MTIF2: variants seen among roughly 807,000 people sequenced by gnomAD.
MTIF2 encodes the protein mitochondrial translational initiation factor 2.
In MTIF2, 71 loss-of-function variants were observed where a neutral mutation model predicts 83.5. That is an observed-to-expected ratio of 0.85 (90% CI 0.70 to 1.04). The LOEUF (loss-of-function observed/expected upper bound fraction) is 1.04. Ranked by LOEUF, MTIF2 falls within the 50% of genes least tolerant of loss-of-function variation. MTIF2 has a pLI of 0.00. For missense variants in MTIF2, 957 were observed against 846.5 expected (o/e 1.13, Z -1.62); for synonymous variants, 319 against 287.1 (o/e 1.11, Z -1.12).
chr2:55,250,313 A>C (rs1298338739), intron 8 of MTIF2, among the ~76,000 whole-genome samples: 1 of 152,046 alleles, frequency 6.6e-6, no homozygotes, highest in South Asian at 2.1e-4. Context: ...GTGGACCCAC[A>C]CAGTTCAAAC....
At chr2:55,239,911 C>A in intron 14 of MTIF2, 100 bp downstream of exon 14, 2 of 1,067,706 alleles carry the variant, frequency 1.9e-6, no homozygotes, top group Non-Finnish European at 2.6e-6. Flanking sequence ...CAGGATATAT[C>A]TTTCAACATT....
chr2:55,249,394 C>T lies in MTIF2; in HGVS notation c.981+1G>A. Reference sequence around the variant, plus strand: ...TATTTATATGAGGTCCCCGCATTTACCGTAAGTGCGGAGACAGGCACTGCT... The same window carrying T: ...TATTTATATGAGGTCCCCGCATTTATCGTAAGTGCGGAGACAGGCACTGCT... On this transcript the variant is annotated splice_donor_variant, in intron 9 of 15. Transcript: ENST00000263629. LOFTEE classifies it high-confidence loss of function. 1 of 1,613,908 alleles carries T rather than the reference C, an allele frequency of 6.2e-7. No homozygotes were observed. The highest frequency in any genetic ancestry group is 8.5e-7 in the Non-Finnish European group (1 of 1,179,930).
upstream of MTIF2, chr2:55,269,244 A>G (rs114909071): frequency 2.0e-3 from 305 of 152,454 alleles, 1 homozygote; most frequent in Non-Finnish European, 3.4e-3. Flanking sequence ...TCGGTAGGTC[A>G]GTCCGTCCCC....
At chr2:55,254,474 T>C (rs1677359201) in intron 6 of MTIF2, among the ~76,000 whole-genome samples, 180 bp downstream of exon 6, 1 of 152,246 alleles carries the variant, frequency 6.6e-6, no homozygotes, top group African/African-American at 2.4e-5. Flanking sequence ...TAAAAAATCC[T>C]TAAAGTTTTA....
intron 2 of MTIF2, chr2:55,267,888 C>T (rs1678552062): frequency 6.6e-6 from 1 of 152,112 alleles, no homozygotes; most frequent in African/African-American, 2.4e-5. Context: ...AGCATTTTAC[C>T]TTAAAAGGCT....
At chr2:55,257,206 G>A (rs1331057076) in intron 5 of MTIF2, among the ~76,000 whole-genome samples, 1 of 152,064 alleles carries the variant, frequency 6.6e-6, no homozygotes, top group Non-Finnish European at 1.5e-5. Context: ...GCAGCCGGGT[G>A]CGGTGGCTCA....
intron 14 of MTIF2, 93 bp downstream of exon 14, chr2:55,239,918 C>T (rs1308867688): frequency 4.4e-6 from 5 of 1,126,476 alleles, no homozygotes; most frequent in Non-Finnish European, 6.2e-6. Context: ...TATCTTTCAA[C>T]ATTGAAAACG....
At chr2:55,248,180 C>T (rs528415562) in intron 9 of MTIF2, among the ~76,000 whole-genome samples, 22 of 152,188 alleles carry the variant, frequency 1.4e-4, no homozygotes, top group African/African-American at 2.2e-4. Flanking sequence ...TAAGTCACTG[C>T]GCCTGGCCAA....
Position 55,236,621 on chromosome 2 carries a change from T to C in MTIF2, c.*27A>G, listed in dbSNP as rs1675829391. 6.4e-7 allele frequency: 1 copy of C among 1,556,594 alleles called. No individual in the cohort carries two copies. The highest frequency in any genetic ancestry group is 8.7e-7 in the Non-Finnish European group (1 of 1,155,172). On this transcript the variant is annotated 3_prime_UTR_variant, in exon 16 of 16. Coordinates refer to ENST00000263629, the MANE Select transcript of MTIF2 (RefSeq NM_002453.3). Reference sequence around the variant, plus strand: ...TTCTACCTTCAAACAAACAACACGTTGAGTTATTTACATTTTTAATGTAAT... The same window carrying C: ...TTCTACCTTCAAACAAACAACACGTCGAGTTATTTACATTTTTAATGTAAT...
intron 9 of MTIF2, among the ~76,000 whole-genome samples, chr2:55,246,713 G>A (rs1233445641): frequency 1.3e-5 from 2 of 152,156 alleles, no homozygotes; most frequent in Non-Finnish European, 2.9e-5. Context: ...ATCTTGCAAG[G>A]AACAAGTGGC....
In MTIF2 at chr2:55,237,285, T is replaced by G; in HGVS notation, c.2011+3A>C. 6.2e-7 allele frequency: 1 copy of G among 1,610,892 alleles called. No homozygotes were observed. The highest frequency in any genetic ancestry group is 8.5e-7 in the Non-Finnish European group (1 of 1,179,034). On this transcript the variant is annotated splice_donor_region_variant and intron_variant, in intron 15 of 15. Coordinates refer to ENST00000263629, the MANE Select transcript of MTIF2 (RefSeq NM_002453.3). Reference sequence around the variant, plus strand: ...TATTATAGGAGATTTTGATGTTGCTTACCCTTCCAAATTACATGTCCATTA... The same window carrying G: ...TATTATAGGAGATTTTGATGTTGCTGACCCTTCCAAATTACATGTCCATTA...
At chr2:55,242,836 A>G in intron 13 of MTIF2, 104 bp downstream of exon 13, 1 of 1,150,604 alleles carries the variant, frequency 8.7e-7, no homozygotes. Flanking sequence ...TGATGCTGAT[A>G]GCAGTAAATG....
chr2:55,262,267 C>T lies in MTIF2; in HGVS notation c.331+49G>A, dbSNP rs535261122. 432 of 1,279,806 alleles carry T rather than the reference C, an allele frequency of 3.4e-4. 5 individuals are homozygous for T. In the South Asian group the frequency reaches 4.3e-3, roughly 13 times the overall value. 79.3% of individuals were successfully genotyped at this position (1,279,806 alleles called of 1,614,324 possible). On this transcript the variant is annotated intron_variant, in intron 5 of 15. Coordinates refer to ENST00000263629, the MANE Select transcript of MTIF2 (RefSeq NM_002453.3). ...TTAATCTCGTTGCAAATAAAATGCC[C>T]GGTCTTCCAACATTCCCATATTTTG... is the stretch of plus-strand genomic sequence containing the variant.
chr2:55,268,140 C>T (rs1002895655), intron 2 of MTIF2, among the ~76,000 whole-genome samples: 1 of 151,908 alleles, frequency 6.6e-6, no homozygotes, highest in African/African-American at 2.4e-5. Context: ...GTAATCCCAG[C>T]GACTTGGGAG....
chr2:55,237,379 T>A lies in MTIF2; in HGVS notation c.1920A>T (p.Lys640Asn). ...GGACTCTGCAGCCAGCCACAGGAACTTTTTTCTTCCCTTCTGTTACAGAGA... is the reference window on the plus strand; with the variant it reads ...GGACTCTGCAGCCAGCCACAGGAACATTTTTCTTCCCTTCTGTTACAGAGA... The part of the protein sequence containing the change: ...ATFSVTEGKK[K>N]VPVAGCRVQK... The change falls in exon 15 of 16, where the codon AAA becomes AAT. Residue 640 changes from lysine to asparagine, a missense_variant. Transcript: ENST00000263629. 1.9e-6 allele frequency: 3 copies of A among 1,612,856 alleles called. No homozygotes were observed. The highest frequency in any genetic ancestry group is 2.5e-6 in the Non-Finnish European group (3 of 1,179,882).
intron 5 of MTIF2, among the ~76,000 whole-genome samples, chr2:55,256,307 C>T (rs1573900952): frequency 1.4e-5 from 2 of 143,674 alleles, no homozygotes; most frequent in South Asian, 2.1e-4. Context: ...CATATACACA[C>T]ACACACACAC....
chr2:55,245,900 T>G (rs1055879728), intron 10 of MTIF2, among the ~76,000 whole-genome samples: 7 of 152,184 alleles, frequency 4.6e-5, no homozygotes, highest in Admixed American at 4.6e-4. Flanking sequence ...TGAGAAAACC[T>G]CTCTTGCTGA....
intron 13 of MTIF2, among the ~76,000 whole-genome samples, 185 bp downstream of exon 13, chr2:55,242,755 G>A (rs1676416786): frequency 6.6e-6 from 1 of 152,174 alleles, no homozygotes; most frequent in South Asian, 2.1e-4. Context: ...AACAAATGGA[G>A]CTATAGCCAC....
chr2:55,255,251 T>C (rs932148014), intron 5 of MTIF2, among the ~76,000 whole-genome samples: 1 of 151,220 alleles, frequency 6.6e-6, no homozygotes, highest in African/African-American at 2.4e-5. Context: ...AACTATTGAA[T>C]TAGCAAATAT....
Sources: gnomAD v4.1 joint callset for allele counts (sites outside exome capture counted in the v4.1 genomes callset) on GRCh38, gnomAD v4.1.1 for gene constraint, MANE v1.5 for transcripts, NCBI Gene and HGNC (gene_info 2026-07-23, HGNC 2026-07-21) for gene names.